MAGI1: variants seen among roughly 807,000 people sequenced by gnomAD.
The protein encoded by MAGI1 is membrane-associated guanylate kinase, WW and PDZ domain-containing protein 1.
In MAGI1, 58 loss-of-function variants were observed where a neutral mutation model predicts 139.9. The observed-to-expected ratio is 0.41, with a 90% CI of 0.34 to 0.52. The LOEUF is 0.52. MAGI1 is among the 20% of genes least tolerant of loss of function. The pLI is 0.12. For missense variants in MAGI1, 1,874 were observed against 1,901.6 expected (o/e 0.99, Z 0.27); for synonymous variants, 812 against 737.9 (o/e 1.10, Z -1.63).
In MAGI1 at chr3:65,927,217, C is replaced by T. The variant is rs370213438; in HGVS notation, c.313+110779G>A. Among the ~76,000 whole-genome samples the T allele has an allele frequency of 2.5e-4, 38 of 152,238 alleles. No individual in the cohort carries two copies. In the South Asian group the frequency reaches 3.7e-3, roughly 15 times the overall value. ...TTCCTTTCATTTTACTCTATGAATT[C>T]GCCTCAAATTCTTTCTTGTGCAAGA... On this transcript the variant is annotated intron_variant, in intron 1 of 22. Coordinates refer to ENST00000402939, the MANE Select transcript of MAGI1 (RefSeq NM_001033057.2).
At chr3:65,802,198 G>A (rs2040557429) in intron 1 of MAGI1, among the ~76,000 whole-genome samples, 1 of 152,130 alleles carries the variant, frequency 6.6e-6, no homozygotes, top group African/African-American at 2.4e-5. Flanking sequence ...AGCCTACTAT[G>A]TGCAACGCAT....
intron 3 of MAGI1, among the ~76,000 whole-genome samples, chr3:65,483,584 G>A (rs879515156): frequency 2.6e-5 from 4 of 152,218 alleles, no homozygotes; most frequent in Non-Finnish European, 4.4e-5. Context: ...CTATCACTTG[G>A]CAGGCTGCAC....
intron 1 of MAGI1, among the ~76,000 whole-genome samples, chr3:65,903,014 G>T (rs535391096): frequency 6.6e-6 from 1 of 152,030 alleles, no homozygotes; most frequent in Admixed American, 6.6e-5. Flanking sequence ...GGTGGGGAGA[G>T]GTATAACTCT....
intron 3 of MAGI1, among the ~76,000 whole-genome samples, chr3:65,480,209 T>C (rs1283343027): frequency 6.7e-6 from 1 of 150,144 alleles, no homozygotes; most frequent in African/African-American, 2.4e-5. Flanking sequence ...GGTAATAGCC[T>C]GGTCTCCGTG....
intron 2 of MAGI1, among the ~76,000 whole-genome samples, chr3:65,616,886 T>C (rs2083401951): frequency 6.6e-6 from 1 of 152,196 alleles, no homozygotes; most frequent in Non-Finnish European, 1.5e-5. Flanking sequence ...TGTTATCAGC[T>C]CTAATTGTCA....
intron 1 of MAGI1, among the ~76,000 whole-genome samples, chr3:65,925,778 C>T (rs916953717): frequency 6.6e-6 from 1 of 152,154 alleles, no homozygotes; most frequent in Non-Finnish European, 1.5e-5. Flanking sequence ...CTCCTGGGCT[C>T]AAGCCATCCT....
At chr3:65,643,677 C>CAAA (rs1272746563) in intron 1 of MAGI1, among the ~76,000 whole-genome samples, 3 of 150,006 alleles carry the variant, frequency 2.0e-5, no homozygotes, top group Non-Finnish European at 4.5e-5. Context: ...ACAACAACAA[C>CAAA]AACAAAGCCT....
chr3:65,380,900 A>C (rs975139913), intron 16 of MAGI1: 6 of 152,082 alleles, frequency 3.9e-5, no homozygotes, highest in African/African-American at 1.4e-4. Context: ...ATAATTAATC[A>C]TATACCATTT....
intron 1 of MAGI1, among the ~76,000 whole-genome samples, chr3:65,855,133 G>C (rs2059330797): frequency 6.6e-6 from 1 of 152,100 alleles, no homozygotes; most frequent in East Asian, 1.9e-4. Flanking sequence ...TGAGTTTACA[G>C]CCTGAAGCAC....
intron 1 of MAGI1, among the ~76,000 whole-genome samples, chr3:65,916,870 A>C (rs1055452696): frequency 1.3e-5 from 2 of 152,198 alleles, no homozygotes; most frequent in Non-Finnish European, 1.5e-5. Context: ...ATAGGAGAAG[A>C]CAGTTGTCAG....
At chr3:65,646,874 T>A (rs1171796414) in intron 1 of MAGI1, among the ~76,000 whole-genome samples, 1 of 151,974 alleles carries the variant, frequency 6.6e-6, no homozygotes, top group East Asian at 1.9e-4. Context: ...GTCAAAATTG[T>A]ACAATTACAC....
chr3:65,969,869 C>T (rs777116197), intron 1 of MAGI1, among the ~76,000 whole-genome samples: 2 of 152,172 alleles, frequency 1.3e-5, no homozygotes, highest in Non-Finnish European at 2.9e-5. Flanking sequence ...ATGTAACCCT[C>T]GACCACCTAA....
chr3:65,836,211 G>GA (rs1446535003), intron 1 of MAGI1, among the ~76,000 whole-genome samples: 1 of 151,946 alleles, frequency 6.6e-6, no homozygotes, highest in Admixed American at 6.6e-5. Context: ...CAAAGCCAAA[G>GA]AAAAAATGAT....
intron 1 of MAGI1, among the ~76,000 whole-genome samples, chr3:65,800,695 A>T (rs1355060564): frequency 6.6e-6 from 1 of 152,180 alleles, no homozygotes; most frequent in Admixed American, 6.5e-5. Flanking sequence ...AAGGAGTGAT[A>T]GCAAAAACTA....
intron 1 of MAGI1, among the ~76,000 whole-genome samples, chr3:65,861,003 T>C (rs1196498201): frequency 1.3e-5 from 2 of 152,132 alleles, no homozygotes; most frequent in Admixed American, 1.3e-4. Flanking sequence ...AAGAAGGGCA[T>C]AGGTTGTTCT....
intron 1 of MAGI1, among the ~76,000 whole-genome samples, chr3:65,799,161 A>C (rs2040350712): frequency 6.6e-6 from 1 of 152,222 alleles, no homozygotes; most frequent in Non-Finnish European, 1.5e-5. Context: ...ATAGTATTCT[A>C]TCTGTGAAAC....
chr3:65,743,657 C>T (rs903296740), intron 1 of MAGI1, among the ~76,000 whole-genome samples: 4 of 151,852 alleles, frequency 2.6e-5, no homozygotes, highest in Non-Finnish European at 5.9e-5. Flanking sequence ...CTGCAGTGAG[C>T]TGAGATTGTG....
chr3:65,869,255 CAA>C lies in MAGI1; in HGVS notation c.313+168739_313+168740del, dbSNP rs35601573. ...TGGGTGACAGAGCGAGACTCCGTCT[CAA>C]AAAAAAAAAAAAAACAACAACTAAT... On this transcript the variant is annotated intron_variant, in intron 1 of 22. Coordinates refer to ENST00000402939, the MANE Select transcript of MAGI1 (RefSeq NM_001033057.2). Among the ~76,000 whole-genome samples the C allele has an allele frequency of 9.2e-3, 724 of 78,650 alleles. 6 individuals carry two copies. Among genetic ancestry groups the C allele is most frequent in the African/African-American group, 0.025 (675 of 26,778 alleles). 51.6% of individuals were successfully genotyped at this position (78,650 alleles called of 152,430 possible).
At chr3:65,386,365 A>G (rs1255786053) in intron 14 of MAGI1, among the ~76,000 whole-genome samples, 1 of 152,336 alleles carries the variant, frequency 6.6e-6, no homozygotes, top group Non-Finnish European at 1.5e-5. Context: ...TTAAAGACAC[A>G]AGAGTGAGCC....
Sources: allele counts gnomAD v4.1 joint callset (sites outside exome capture counted in the v4.1 genomes callset), GRCh38; gene constraint gnomAD v4.1.1; transcripts MANE v1.5; gene names NCBI Gene and HGNC (gene_info 2026-07-23, HGNC 2026-07-21).